The following GTF2H1 variants were observed in gnomAD, a reference collection of about 807,000 sequenced individuals.
GTF2H1 encodes the protein general transcription factor IIH subunit 1.
In GTF2H1, 16 loss-of-function variants were observed where a neutral mutation model predicts 71.2. The observed-to-expected ratio is 0.22, with a 90% CI of 0.15 to 0.34. The LOEUF (loss-of-function observed/expected upper bound fraction) is 0.34. GTF2H1 is among the 10% of genes least tolerant of loss of function. The pLI, the probability that GTF2H1 is intolerant of heterozygous loss-of-function variation, is 1.00. For missense variants in GTF2H1, 498 were observed against 648.2 expected, an observed-to-expected ratio of 0.77 and a Z score of 2.52; for synonymous variants, 215 against 219.0, an observed-to-expected ratio of 0.98 and a Z score of 0.16.
At position 18,360,716 on chromosome 11, in the gene GTF2H1, G is replaced by T; in HGVS notation, c.1560+9G>T. ...AGTATTTAAGCACAAATGTAAGGCA[G>T]CAATCTGATTTTTGCCTGATCTTCT... On this transcript the variant is annotated intron_variant, in intron 14 of 14. Coordinates refer to ENST00000265963, the MANE Select transcript of GTF2H1 (RefSeq NM_005316.4). The T allele has an allele frequency of 6.9e-7, 1 of 1,439,510 alleles. No individual in the cohort carries two copies. The highest frequency in any genetic ancestry group is 9.5e-7 in the Non-Finnish European group (1 of 1,050,466). 89.2% of individuals were successfully genotyped at this position (1,439,510 alleles called of 1,614,324 possible).
intron 9 of GTF2H1, chr11:18,348,140 T>G: frequency 1.9e-6 from 1 of 529,610 alleles, no homozygotes; most frequent in South Asian, 2.7e-5. Flanking sequence ...TTTATTGTTT[T>G]TTGTTTGTTT....
In GTF2H1 at chr11:18,339,457, CAGTT is replaced by C. The variant is rs1865105814; in HGVS notation, c.514-102_514-99del. On this transcript the variant is annotated intron_variant, in intron 4 of 14. Transcript: ENST00000265963. The stretch of plus-strand genomic sequence containing the variant: ...AGGTGAGGGACTTTCTCTGTCTATG[CAGTT>C]AGTTCAGAAATTTTTTTTTCCACCT... 9 of 679,302 alleles carry C rather than the reference CAGTT, an allele frequency of 1.3e-5. No individual in the cohort carries two copies. In the South Asian group the frequency reaches 1.5e-4, roughly 11 times the overall value. 42.1% of individuals were successfully genotyped at this position (679,302 alleles called of 1,614,324 possible).
intron 11 of GTF2H1, 61 bp downstream of exon 11, chr11:18,352,507 C>T: frequency 4.1e-6 from 3 of 730,734 alleles, no homozygotes; most frequent in South Asian, 3.1e-5. Context: ...AGTTTATGAG[C>T]ACAAGCAGAT....
intron 1 of GTF2H1, among the ~76,000 whole-genome samples, chr11:18,331,015 G>A (rs914345950): frequency 6.6e-5 from 10 of 152,032 alleles, no homozygotes; most frequent in African/African-American, 2.4e-4. Flanking sequence ...TTGTTTGAGC[G>A]AATAAGAAGT....
intron 14 of GTF2H1, 82 bp downstream of exon 14, chr11:18,360,789 G>T: frequency 2.7e-6 from 2 of 727,350 alleles, no homozygotes; most frequent in East Asian, 2.8e-5. Flanking sequence ...TCATGTAAAT[G>T]AGTAGATACT....
At chr11:18,358,450 C>T (rs1190594526) in intron 12 of GTF2H1, 75 bp from the exon 13 acceptor site, 3 of 788,982 alleles carry the variant, frequency 3.8e-6, no homozygotes, top group African/African-American at 1.7e-5. Flanking sequence ...AATTTATTCT[C>T]TGAGTGGTCA....
intron 1 of GTF2H1, among the ~76,000 whole-genome samples, chr11:18,325,561 C>A (rs145133783): frequency 1.2e-3 from 187 of 152,166 alleles, no homozygotes; most frequent in Non-Finnish European, 1.8e-3. Flanking sequence ...ATGAAGCTTG[C>A]AATCTGTCAG....
At chr11:18,364,913 C>A (rs1167614681) in intron 14 of GTF2H1, among the ~76,000 whole-genome samples, 1 of 152,024 alleles carries the variant, frequency 6.6e-6, no homozygotes, top group Non-Finnish European at 1.5e-5. Context: ...GAGAATAAGG[C>A]ATTTTTCCAG....
intron 7 of GTF2H1, among the ~76,000 whole-genome samples, chr11:18,342,269 T>G (rs1216670561): frequency 1.5e-5 from 2 of 136,258 alleles, no homozygotes; most frequent in African/African-American, 5.9e-5. Flanking sequence ...TTTTTTTTTT[T>G]TTTTTTTTTT....
In GTF2H1 at chr11:18,341,548, T is replaced by C. The variant is rs201910776; in HGVS notation, c.778T>C (p.Leu260=). 3.8e-5 allele frequency: 62 copies of C among 1,611,780 alleles called. No homozygotes were observed. In the Admixed American group the frequency reaches 7.4e-4, roughly 19 times the overall value. The change falls in exon 7 of 15, where the codon TTA becomes CTA. Residue 260 remains leucine, a synonymous_variant. Transcript: ENST00000265963. The part of the protein sequence containing the change: ...DEKGLKTMVS[L]GVKNPLLDLT... Reference sequence around the variant, plus strand: ...TCTAGGCCTAAAAACAATGGTTTCATTAGGAGTGAAAAACCCACTACTAGA... The same window carrying C: ...TCTAGGCCTAAAAACAATGGTTTCACTAGGAGTGAAAAACCCACTACTAGA...
At chr11:18,363,777 G>C (rs1865758446) in intron 14 of GTF2H1, among the ~76,000 whole-genome samples, 1 of 151,914 alleles carries the variant, frequency 6.6e-6, no homozygotes, top group African/African-American at 2.4e-5. Flanking sequence ...TGCTGTGTTG[G>C]AAAGGATGCT....
chr11:18,365,284 A>G (rs1201308966), intron 14 of GTF2H1, among the ~76,000 whole-genome samples: 1 of 152,108 alleles, frequency 6.6e-6, no homozygotes, highest in South Asian at 2.1e-4. Context: ...AGTCTGAGAC[A>G]TGAGAACTGC....
At chr11:18,352,109 C>T (rs757158164) in intron 10 of GTF2H1, 140 bp downstream of exon 10, 7 of 638,046 alleles carry the variant, frequency 1.1e-5, no homozygotes, top group Non-Finnish European at 2.0e-5. Flanking sequence ...TTAGGCTTCT[C>T]AGGAAGCAAA....
chr11:18,355,182 G>T (rs1483974330), intron 11 of GTF2H1, among the ~76,000 whole-genome samples: 1 of 145,440 alleles, frequency 6.9e-6, no homozygotes, highest in Non-Finnish European at 1.5e-5. Flanking sequence ...TTGCTCTGTT[G>T]CCCAGGCTGG....
chr11:18,342,283 A>G (rs1214285758), intron 7 of GTF2H1, among the ~76,000 whole-genome samples: 31 of 103,818 alleles, frequency 3.0e-4, no homozygotes, highest in Non-Finnish European at 5.1e-4. Flanking sequence ...TTTTTTTGAG[A>G]AAGAGTTTCA....
intron 9 of GTF2H1, among the ~76,000 whole-genome samples, chr11:18,350,013 A>C (rs11024625): frequency 0.14 from 21,082 of 152,226 alleles, 1,568 homozygotes; most frequent in African/African-American, 0.19. Flanking sequence ...TCTCTACTGA[A>C]TGTGAATCAC....
intron 7 of GTF2H1, 25 bp from the exon 8 acceptor site, chr11:18,347,563 A>AT (rs921788395): frequency 1.4e-5 from 21 of 1,520,578 alleles, no homozygotes; most frequent in African/African-American, 5.6e-5. Context: ...TTTTTAAAAA[A>AT]TTTTTAATCT....
At position 18,349,544 on chromosome 11, in the gene GTF2H1, A is replaced by G. The variant is rs528067605; in HGVS notation, c.1053+1625A>G. On this transcript the variant is annotated intron_variant, in intron 9 of 14. Coordinates refer to ENST00000265963, the MANE Select transcript of GTF2H1 (RefSeq NM_005316.4). ...TTAAAAATACAGAAATTAGCCAGGCATGGTGACGTGCGCCTGTAATTCCAG... is the reference window on the plus strand; with the variant it reads ...TTAAAAATACAGAAATTAGCCAGGCGTGGTGACGTGCGCCTGTAATTCCAG... Among the ~76,000 whole-genome samples the G allele has an allele frequency of 4.6e-5, 7 of 152,300 alleles. No homozygotes were observed. The South Asian group carries it at 1.2e-3, about 27-fold the overall frequency.
intron 11 of GTF2H1, among the ~76,000 whole-genome samples, chr11:18,353,023 C>G (rs571999599): frequency 2.0e-5 from 3 of 152,244 alleles, no homozygotes; most frequent in South Asian, 4.1e-4. Context: ...GTCAGAAGTT[C>G]GAGACCAGCC....
Sources: gnomAD v4.1 joint callset for allele counts (sites outside exome capture counted in the v4.1 genomes callset) on GRCh38, gnomAD v4.1.1 for gene constraint, MANE v1.5 for transcripts, NCBI Gene and HGNC (gene_info 2026-07-23, HGNC 2026-07-21) for gene names.